The following PKP4 variants were observed in gnomAD, a reference collection of about 807,000 sequenced individuals.
PKP4 encodes the protein plakophilin-4.
PKP4 carries 90 observed loss-of-function variants against 145.1 expected under a neutral mutation model. The observed-to-expected ratio is 0.62, with a 90% confidence interval of 0.52 to 0.74. The LOEUF (loss-of-function observed/expected upper bound fraction) is 0.74. PKP4 is among the 30% of genes least tolerant of loss of function. The pLI is 0.00. For missense variants in PKP4, 1,340 were observed against 1,482.7 expected, an observed-to-expected ratio of 0.90 and a Z score of 1.58; for synonymous variants, 563 against 577.2, an observed-to-expected ratio of 0.98 and a Z score of 0.35.
At chr2:158,639,355 T>C (rs1309817492) in intron 9 of PKP4, among the ~76,000 whole-genome samples, 2 of 152,070 alleles carry the variant, frequency 1.3e-5, no homozygotes, top group Non-Finnish European at 2.9e-5. Context: ...TGCGTGTGTG[T>C]TTGCGTGTGT....
intron 16 of PKP4, among the ~76,000 whole-genome samples, chr2:158,667,241 G>A (rs1465479318): frequency 1.3e-5 from 2 of 152,144 alleles, no homozygotes; most frequent in African/African-American, 2.4e-5. Flanking sequence ...GGCTAAAGAA[G>A]ACATCAGGGA....
intron 3 of PKP4, among the ~76,000 whole-genome samples, chr2:158,601,823 A>G (rs557221172): frequency 4.6e-5 from 7 of 152,206 alleles, no homozygotes; most frequent in Admixed American, 1.3e-4. Flanking sequence ...AGCAAGTTTC[A>G]TAACCACATA....
At chr2:158,459,713 G>A (rs758238420) in intron 1 of PKP4, among the ~76,000 whole-genome samples, 7 of 151,938 alleles carry the variant, frequency 4.6e-5, no homozygotes, top group Non-Finnish European at 8.8e-5. Flanking sequence ...TTGACTTGAT[G>A]TCAAGATTGG....
chr2:158,508,720 T>G (rs1401122874), intron 1 of PKP4, among the ~76,000 whole-genome samples: 1 of 152,356 alleles, frequency 6.6e-6, no homozygotes, highest in Admixed American at 6.5e-5. Context: ...GTTGCTGTAA[T>G]TCTTATGAAT....
intron 4 of PKP4, among the ~76,000 whole-genome samples, chr2:158,620,440 G>T (rs1002854181): frequency 5.3e-5 from 8 of 152,146 alleles, no homozygotes; most frequent in Non-Finnish European, 8.8e-5. Flanking sequence ...TTTAAAAAAG[G>T]CTAAAGGAAT....
intron 3 of PKP4, among the ~76,000 whole-genome samples, chr2:158,602,628 A>G (rs2050321161): frequency 6.6e-6 from 1 of 152,224 alleles, no homozygotes; most frequent in African/African-American, 2.4e-5. Flanking sequence ...TTATAAGGCA[A>G]TATTCAATTC....
chr2:158,577,570 A>G (rs1016076482), intron 3 of PKP4, among the ~76,000 whole-genome samples, 187 bp downstream of exon 3: 1 of 152,216 alleles, frequency 6.6e-6, no homozygotes, highest in Non-Finnish European at 1.5e-5. Context: ...TGTGCTTGAA[A>G]TGTTTTCTAT....
intron 2 of PKP4, among the ~76,000 whole-genome samples, chr2:158,535,762 A>G (rs1432687273): frequency 6.6e-6 from 1 of 152,100 alleles, no homozygotes. Context: ...GCCATGCCGT[A>G]ATGGTATCCA....
chr2:158,584,665 T>A (rs917598924), intron 3 of PKP4, among the ~76,000 whole-genome samples: 9 of 150,294 alleles, frequency 6.0e-5, no homozygotes, highest in Admixed American at 6.6e-5. Context: ...CTACAAAAAA[T>A]TTAAACAATA....
chr2:158,616,586 C>T (rs1186630699), intron 4 of PKP4, among the ~76,000 whole-genome samples: 1 of 152,174 alleles, frequency 6.6e-6, no homozygotes, highest in Non-Finnish European at 1.5e-5. Context: ...GCCTTAACCT[C>T]GGGTGCTATT....
chr2:158,677,733 AG>A (rs2106028832), intron 20 of PKP4, among the ~76,000 whole-genome samples: 1 of 152,368 alleles, frequency 6.6e-6, no homozygotes, highest in South Asian at 2.1e-4. Context: ...TTAATAGCTC[AG>A]AAAATTGCAG....
At chr2:158,512,471 C>T (rs1385499303) in intron 1 of PKP4, among the ~76,000 whole-genome samples, 4 of 152,210 alleles carry the variant, frequency 2.6e-5, no homozygotes, top group African/African-American at 9.7e-5. Flanking sequence ...CATTCTCAGC[C>T]AGCTCTGTCA....
intron 1 of PKP4, among the ~76,000 whole-genome samples, chr2:158,467,568 G>T: frequency 6.7e-6 from 1 of 149,670 alleles, no homozygotes; most frequent in South Asian, 2.1e-4. Context: ...AAAAAAATGT[G>T]GGCACGGTGG....
chr2:158,636,782 A>G (rs1383086644), intron 9 of PKP4, among the ~76,000 whole-genome samples: 2 of 152,120 alleles, frequency 1.3e-5, no homozygotes, highest in African/African-American at 4.8e-5. Flanking sequence ...TATAGACTAC[A>G]ATCTATTGTG....
intron 16 of PKP4, among the ~76,000 whole-genome samples, chr2:158,666,989 T>C (rs2057148313): frequency 6.6e-6 from 1 of 152,110 alleles, no homozygotes. Context: ...CTCACATTGG[T>C]ATAAATCTTT....
chr2:158,490,077 A>G (rs1484496543), intron 1 of PKP4, among the ~76,000 whole-genome samples: 4 of 152,226 alleles, frequency 2.6e-5, no homozygotes, highest in Non-Finnish European at 4.4e-5. Context: ...ATGATACTAT[A>G]TAAAACCGTG....
At position 158,633,081 on chromosome 2, in the gene PKP4, CTT is replaced by C. The variant is rs2053518678; in HGVS notation, c.1343-988_1343-987del. Among the ~76,000 whole-genome samples, 5 of 152,172 alleles carry C rather than the reference CTT, an allele frequency of 3.3e-5. No homozygotes were observed. The South Asian group carries it at 1.0e-3, about 32-fold the overall frequency. ...TTTGATATATCAGTCTTCTTTCCCT[CTT>C]GTGAAGTAGATTTTCCAGTGTTATT... On this transcript the variant is annotated intron_variant, in intron 8 of 21. Transcript: ENST00000389759.
At chr2:158,570,389 G>T (rs2047320285) in intron 2 of PKP4, among the ~76,000 whole-genome samples, 1 of 152,176 alleles carries the variant, frequency 6.6e-6, no homozygotes, top group Non-Finnish European at 1.5e-5. Context: ...AAATGCTATA[G>T]CATGTCCTGG....
In PKP4 at chr2:158,621,224, C is replaced by A; in HGVS notation, c.413-7C>A. On this transcript the variant is annotated splice_region_variant and splice_polypyrimidine_tract_variant and intron_variant, in intron 5 of 21. Transcript: ENST00000389759. The stretch of plus-strand genomic sequence containing the variant: ...AATAAAGATATTTCTTGGTTTCATT[C>A]TTACAGGATCATTGGGTAACTCAAG... 2 of 1,613,922 alleles carry A rather than the reference C, an allele frequency of 1.2e-6. No individual in the cohort carries two copies. The highest frequency in any genetic ancestry group is 1.1e-5 in the South Asian group (1 of 91,062).
Sources: gnomAD v4.1 joint callset for allele counts (sites outside exome capture counted in the v4.1 genomes callset) on GRCh38, gnomAD v4.1.1 for gene constraint, MANE v1.5 for transcripts, NCBI Gene and HGNC (gene_info 2026-07-23, HGNC 2026-07-21) for gene names.